Variants in PLXDC1 observed in about 807,000 individuals in gnomAD.
PLXDC1 encodes plexin domain containing 1, also known as plexin domain-containing protein 1.
PLXDC1 carries 39 observed loss-of-function variants against 61.3 expected under a neutral mutation model. The observed-to-expected ratio is 0.64, with a 90% CI of 0.49 to 0.83. The LOEUF is 0.83. PLXDC1 is among the 40% of genes least tolerant of loss of function. The probability of loss-of-function intolerance (pLI) is 0.00; values close to 1 mark genes in which losing one functional copy is unlikely to be tolerated. For synonymous variants in PLXDC1, 212 were observed against 254.5 expected, an observed-to-expected ratio of 0.83 and a Z score of 1.59; for missense variants, 596 against 666.5, an observed-to-expected ratio of 0.89 and a Z score of 1.17.
Position 39,108,202 on chromosome 17 carries a change from A to G in PLXDC1, c.513T>C (p.Ala171=), listed in dbSNP as rs1429983701. ...CCATCAGGGGCGCCACATACTGAGT[A>G]GCTGTGAGCATCCGATGGATCACGT... is the stretch of plus-strand genomic sequence containing the variant. ...MGDVIHRMLT[A]TQYVAPLMAN... is the part of the protein sequence containing the mutation. Residue 171 remains alanine (A), a synonymous_variant, in exon 5 of 14, where the codon GCT becomes GCC. Coordinates refer to ENST00000315392, the MANE Select transcript of PLXDC1 (RefSeq NM_020405.5). 2 of 1,614,140 alleles carry G rather than the reference A, an allele frequency of 1.2e-6. No homozygotes were observed. Among genetic ancestry groups the G allele is most frequent in the South Asian group, 1.1e-5 (1 of 91,088 alleles).
At chr17:39,132,302 G>C (rs1247250906) in intron 2 of PLXDC1, among the ~76,000 whole-genome samples, 1 of 151,874 alleles carries the variant, frequency 6.6e-6, no homozygotes, top group Non-Finnish European at 1.5e-5. Context: ...CTCTGACTCA[G>C]CACATCCCAG....
chr17:39,078,827 C>G (rs1023322155), intron 10 of PLXDC1, among the ~76,000 whole-genome samples: 6 of 152,190 alleles, frequency 3.9e-5, no homozygotes, highest in Admixed American at 1.3e-4. Flanking sequence ...TGCCCAACAT[C>G]CCCTCTGCAT....
intron 7 of PLXDC1, among the ~76,000 whole-genome samples, chr17:39,098,635 A>T (rs71369710): frequency 6.6e-6 from 1 of 152,340 alleles, no homozygotes; most frequent in African/African-American, 2.4e-5. Flanking sequence ...AGAAAAAAGT[A>T]TCAGCGAAGT....
intron 13 of PLXDC1, 33 bp downstream of exon 13, chr17:39,069,823 G>C (rs200374281): frequency 6.3e-7 from 1 of 1,589,932 alleles, no homozygotes; most frequent in African/African-American, 1.3e-5. Context: ...CGCAGAAGCA[G>C]ACAGGAGCCC....
chr17:39,133,369 T>C (rs1911626222), intron 2 of PLXDC1, among the ~76,000 whole-genome samples: 1 of 152,040 alleles, frequency 6.6e-6, no homozygotes. Flanking sequence ...CATTCTCTCA[T>C]GTGTGTGGGA....
At position 39,146,875 on chromosome 17, in the gene PLXDC1, G is replaced by C. The variant is rs144209989; in HGVS notation, c.76+4487C>G. Among the ~76,000 whole-genome samples, 947 of 145,878 alleles carry C rather than the reference G, an allele frequency of 6.5e-3. 10 individuals are homozygous for C. Among genetic ancestry groups the C allele is most frequent in the African/African-American group, 0.022 (889 of 40,012 alleles). ...TGTCTCAAAAAAGAAAAAAAAAAAA[G>C]AAGGATTAAGATGGTTTTCGGATCC... On this transcript the variant is annotated intron_variant, in intron 1 of 13. Transcript: ENST00000315392.
intron 2 of PLXDC1, among the ~76,000 whole-genome samples, chr17:39,110,283 C>T (rs1910752114): frequency 6.6e-6 from 1 of 152,134 alleles, no homozygotes; most frequent in Admixed American, 6.5e-5. Context: ...AGAGTCCACA[C>T]AGCATCACCA....
At chr17:39,118,580 A>G (rs2143765175) in intron 2 of PLXDC1, among the ~76,000 whole-genome samples, 1 of 152,296 alleles carries the variant, frequency 6.6e-6, no homozygotes, top group African/African-American at 2.4e-5. Flanking sequence ...GTGTGACATT[A>G]TATTTTAAAT....
intron 7 of PLXDC1, among the ~76,000 whole-genome samples, chr17:39,102,009 G>C (rs1012409393): frequency 6.6e-6 from 1 of 152,178 alleles, no homozygotes; most frequent in Non-Finnish European, 1.5e-5. Context: ...GAAGAAGCTG[G>C]TGAATTTCTG....
chr17:39,106,735 C>G (rs1011492653), intron 6 of PLXDC1, among the ~76,000 whole-genome samples: 1 of 150,954 alleles, frequency 6.6e-6, no homozygotes, highest in Non-Finnish European at 1.5e-5. Flanking sequence ...CTGCAACCTC[C>G]AACTCCTGGG....
At chr17:39,083,370 G>T in intron 9 of PLXDC1, 89 bp downstream of exon 9, 1 of 931,546 alleles carries the variant, frequency 1.1e-6, no homozygotes, top group Non-Finnish European at 1.7e-6. Context: ...TTGGCTGACT[G>T]TGGGCAGTGA....
chr17:39,100,099 A>C (rs2143607071), intron 7 of PLXDC1, among the ~76,000 whole-genome samples: 1 of 152,316 alleles, frequency 6.6e-6, no homozygotes, highest in East Asian at 1.9e-4. Flanking sequence ...GCAAGGAGCC[A>C]AAGAAGGCCT....
At chr17:39,111,575 G>A (rs1292583584) in intron 2 of PLXDC1, among the ~76,000 whole-genome samples, 2 of 152,176 alleles carry the variant, frequency 1.3e-5, no homozygotes, top group South Asian at 2.1e-4. Flanking sequence ...GTGAGCCACT[G>A]CGCCTAGCCA....
chr17:39,128,153 GTA>G lies in PLXDC1; in HGVS notation c.255+11499_255+11500del, dbSNP rs1353380502. Among the ~76,000 whole-genome samples the G allele has an allele frequency of 2.7e-3, 62 of 23,292 alleles. 1 individual carries two copies. The highest frequency in any genetic ancestry group is 4.1e-3 in the Non-Finnish European group (51 of 12,524). 15.3% of individuals were successfully genotyped at this position (23,292 alleles called of 152,430 possible). A position where few individuals can be genotyped will look rare whatever the true frequency, so the allele number is the denominator to read the frequency against. ...TGTATATATATGTATATATATGTGT[GTA>G]TATATATGTATATATATGTATATAT... On this transcript the variant is annotated intron_variant, in intron 2 of 13. Transcript: ENST00000315392.
chr17:39,085,562 C>G (rs934386710), intron 8 of PLXDC1, among the ~76,000 whole-genome samples: 1 of 152,118 alleles, frequency 6.6e-6, no homozygotes, highest in Non-Finnish European at 1.5e-5. Context: ...ACATAGAGAT[C>G]GAGCTCTTAG....
In PLXDC1 at chr17:39,109,364, G is replaced by A. The variant is rs758421753; in HGVS notation, c.283C>T (p.Arg95Cys). ...VEDNHSYYVS[R>C]LYGPSEPHSR... ...TGGGGCTCGCTGGGGCCATAGAGAC[G>A]GGACACATAATAGCTGTGGTTGTCC... Residue 95 changes from arginine (R) to cysteine (C), a missense_variant, in exon 3 of 14, where the codon CGT (arginine) becomes TGT (cysteine). By Grantham distance (180) the Arg-to-Cys change is radical. Transcript: ENST00000315392. 31 of 1,602,506 alleles carry A rather than the reference G, an allele frequency of 1.9e-5. No individual in the cohort carries two copies. Among genetic ancestry groups the A allele is most frequent in the Admixed American group, 3.5e-5 (2 of 57,420 alleles).
intron 2 of PLXDC1, among the ~76,000 whole-genome samples, chr17:39,128,087 C>A (rs888929478): frequency 2.8e-4 from 19 of 67,250 alleles, no homozygotes; most frequent in South Asian, 1.7e-3. Context: ...CTCTCTCTCT[C>A]TCTCTATGTG....
intron 2 of PLXDC1, among the ~76,000 whole-genome samples, chr17:39,124,316 G>C (rs1679182724): frequency 6.6e-6 from 1 of 152,252 alleles, no homozygotes; most frequent in Non-Finnish European, 1.5e-5. Context: ...AGACTGCCTG[G>C]GCACTGTGGC....
chr17:39,140,047 A>G (rs181183957), intron 1 of PLXDC1, among the ~76,000 whole-genome samples: 2 of 152,284 alleles, frequency 1.3e-5, no homozygotes, highest in East Asian at 3.9e-4. Flanking sequence ...TTTAATCCTC[A>G]TGCCAGCTCT....
Sources: gnomAD v4.1 joint callset for allele counts (sites outside exome capture counted in the v4.1 genomes callset) on GRCh38, gnomAD v4.1.1 for gene constraint, MANE v1.5 for transcripts, NCBI Gene and HGNC (gene_info 2026-07-23, HGNC 2026-07-21) for gene names.